Variants in METTL9 observed in about 807,000 individuals in gnomAD.
The protein encoded by METTL9 is methyltransferase 9, His-X-His N1(pi)-histidine.
Under a neutral mutation model 36.0 loss-of-function variants are expected in METTL9, and 10 were observed. The ratio of observed to expected loss-of-function variants is 0.28; its 90% CI spans 0.17 to 0.47. The LOEUF (loss-of-function observed/expected upper bound fraction) is 0.47. METTL9 is among the 20% of genes least tolerant of loss of function. The pLI, the probability that METTL9 is intolerant of heterozygous loss-of-function variation, is 0.99. For synonymous variants in METTL9, 175 were observed against 149.7 expected (o/e 1.17, Z -1.23); for missense variants, 246 against 383.5 (o/e 0.64, Z 3.00).
At chr16:21,650,058 A>AGGCT (rs903815967) in intron 4 of METTL9, among the ~76,000 whole-genome samples, 1 of 152,088 alleles carries the variant, frequency 6.6e-6, no homozygotes, top group Non-Finnish European at 1.5e-5. Context: ...CTGAGACCGG[A>AGGCT]GGCTGATTGA....
At chr16:21,600,251 G>A (rs1406225970) in intron 1 of METTL9, among the ~76,000 whole-genome samples, 9 of 152,200 alleles carry the variant, frequency 5.9e-5, no homozygotes, top group African/African-American at 2.2e-4. Flanking sequence ...GTGGCTGGGG[G>A]CGCCCGCCTG....
At position 21,599,723 on chromosome 16, in the gene METTL9, C is replaced by T. The variant is rs2152891691; in HGVS notation, c.-11C>T. ...GCCGGCGGTGATCCGAGCGAGCGGC[C>T]GCGGCCCCCGATGAGACTGCTGGCG... On this transcript the variant is annotated 5_prime_UTR_variant, in exon 1 of 5. Coordinates refer to ENST00000358154, the MANE Select transcript of METTL9 (RefSeq NM_016025.5). This position sits in a 1 kb window ranked among gnomAD's most constrained non-coding sequence, Gnocchi z 4.4. The T allele has an allele frequency of 2.7e-6, 4 of 1,491,276 alleles. No homozygotes were observed. In the South Asian group the frequency reaches 3.8e-5, roughly 14 times the overall value. The allele number at this position is 1,491,276 out of a possible 1,614,324, so 92.4% of individuals were successfully genotyped here. A position where few individuals can be genotyped will look rare whatever the true frequency, so the allele number is the denominator to read the frequency against.
intron 1 of METTL9, 88 bp from the exon 2 acceptor site, chr16:21,612,557 A>G: frequency 2.4e-6 from 3 of 1,234,930 alleles, no homozygotes; most frequent in Non-Finnish European, 3.2e-6. Context: ...GATGTGATTT[A>G]GTCTTCTGGT....
upstream of METTL9, chr16:21,598,089 G>C (rs577223853): frequency 1.3e-5 from 2 of 152,402 alleles, no homozygotes; most frequent in Admixed American, 1.3e-4. Context: ...GGTGGCTCAC[G>C]CCTGTAATCC....
Position 21,618,985 on chromosome 16 carries a change from A to G in METTL9, c.566+911A>G, listed in dbSNP as rs539195484. Among the ~76,000 whole-genome samples, 12 of 152,274 alleles carry G rather than the reference A, an allele frequency of 7.9e-5. No individual in the cohort carries two copies. The South Asian group carries it at 2.3e-3, about 29-fold the overall frequency. ...AGTGCTGGGATTACAGGTGTGAGCC[A>G]CTGCGCCTGGCCCAAAATTTTCTTT... On this transcript the variant is annotated intron_variant, in intron 3 of 4. Transcript: ENST00000358154.
Position 21,655,376 on chromosome 16 carries a change from A to C in METTL9, c.901A>C (p.Met301Leu). 13 of 1,614,204 alleles carry C rather than the reference A, an allele frequency of 8.1e-6. No homozygotes were observed. The highest frequency in any genetic ancestry group is 1.1e-5 in the Non-Finnish European group (13 of 1,180,028). The change falls in exon 5 of 5, where the codon ATG becomes CTG. Residue 301 changes from methionine (M) to leucine (L), a missense_variant. Met to Leu is a conservative substitution (Grantham distance 15). Coordinates refer to ENST00000358154, the MANE Select transcript of METTL9 (RefSeq NM_016025.5). ...ACTACCATACCTGTGTGAAGGCGAC[A>C]TGTATAATGACTACTACGTTCTGGA... The part of the protein sequence containing the change: ...TRLPYLCEGD[M>L]YNDYYVLDDA...
chr16:21,653,518 TG>T (rs996500468), intron 4 of METTL9: 3 of 152,252 alleles, frequency 2.0e-5, no homozygotes, highest in African/African-American at 7.2e-5. Context: ...AGGAAATTTA[TG>T]CAAACATTTG....
chr16:21,638,409 A>G (rs1966161261), intron 4 of METTL9, among the ~76,000 whole-genome samples: 1 of 152,212 alleles, frequency 6.6e-6, no homozygotes, highest in Non-Finnish European at 1.5e-5. Flanking sequence ...AATGGTCTTT[A>G]TGGAAAGGGG....
At chr16:21,644,457 G>T in intron 4 of METTL9, 1 of 1,185,664 alleles carries the variant, frequency 8.4e-7, no homozygotes, top group Non-Finnish European at 1.2e-6. Context: ...TCAAATACAT[G>T]TGTAAAGTAT....
chr16:21,602,415 C>G (rs778581536), intron 1 of METTL9, among the ~76,000 whole-genome samples: 1 of 152,112 alleles, frequency 6.6e-6, no homozygotes, highest in Non-Finnish European at 1.5e-5. Flanking sequence ...ATTTTAGTAA[C>G]TTGGTTTGGT....
chr16:21,620,893 T>C (rs1310782264), intron 3 of METTL9, among the ~76,000 whole-genome samples: 2 of 152,126 alleles, frequency 1.3e-5, no homozygotes, highest in Non-Finnish European at 2.9e-5. Context: ...TTTTACATTT[T>C]TTTCTTCCTT....
At chr16:21,600,043 C>A (rs1420567776) in intron 1 of METTL9, 145 bp downstream of exon 1, 1 of 747,280 alleles carries the variant, frequency 1.3e-6, no homozygotes, top group Non-Finnish European at 1.8e-6. Context: ...TTTCCCCGCG[C>A]CTTCCCCGCC....
chr16:21,634,488 A>G (rs1315086015), intron 4 of METTL9, among the ~76,000 whole-genome samples: 3 of 152,182 alleles, frequency 2.0e-5, no homozygotes, highest in Admixed American at 6.5e-5. Flanking sequence ...AACAAGCCCT[A>G]CCGGGTGATT....
At chr16:21,613,828 TTTTTG>T (rs1965491745) in intron 2 of METTL9, among the ~76,000 whole-genome samples, 1 of 83,988 alleles carries the variant, frequency 1.2e-5, no homozygotes, top group Non-Finnish European at 2.0e-5. Context: ...TTAGGAGTTT[TTTTTG>T]TTTTTTTTTT....
intron 4 of METTL9, chr16:21,640,548 T>G (rs573834898): frequency 1.6e-4 from 23 of 145,888 alleles, no homozygotes; most frequent in Admixed American, 1.5e-3. Context: ...GTCTTGAGTT[T>G]GAGACCAGCC....
Position 21,612,807 on chromosome 16 carries a change from CTGTT to C in METTL9, c.330_333del (p.Phe111CysfsTer10). 6.2e-7 allele frequency: 1 copy of C among 1,606,244 alleles called. No individual in the cohort carries two copies. Among genetic ancestry groups the C allele is most frequent in the Non-Finnish European group, 8.5e-7 (1 of 1,177,394 alleles). ...TTCTTTTGTGTCATCTGTTTTTAGC[CTGTT>C]TATGTCTAGAACATCTATCAATGGG... On this transcript the variant is annotated frameshift_variant, in exon 2 of 5. Coordinates refer to ENST00000358154, the MANE Select transcript of METTL9 (RefSeq NM_016025.5). LOFTEE classifies it high-confidence loss of function.
At chr16:21,643,074 A>G (rs747338025) in intron 4 of METTL9, 1 of 1,595,232 alleles carries the variant, frequency 6.3e-7, no homozygotes, top group Non-Finnish European at 8.6e-7. Context: ...TTACACTTAC[A>G]GATTGCTGAT....
chr16:21,652,880 C>T, intron 4 of METTL9: 1 of 356,004 alleles, frequency 2.8e-6, no homozygotes. Context: ...GCACATATTT[C>T]CAGGAAGGAG....
At chr16:21,632,099 C>T (rs1957056591) in intron 4 of METTL9, among the ~76,000 whole-genome samples, 1 of 152,178 alleles carries the variant, frequency 6.6e-6, no homozygotes, top group African/African-American at 2.4e-5. Context: ...CTTTTGATGG[C>T]TTTGGCAGTG....
Sources: gnomAD v4.1 joint callset for allele counts (sites outside exome capture counted in the v4.1 genomes callset) on GRCh38, gnomAD v4.1.1 for gene constraint, Gnocchi (gnomAD v3.1) non-coding constraint, MANE v1.5 for transcripts, NCBI Gene and HGNC (gene_info 2026-07-23, HGNC 2026-07-21) for gene names.